Variants in PCDHGB4 observed in about 807,000 individuals in gnomAD.
PCDHGB4 encodes the protein protocadherin gamma-B4.
A neutral mutation model predicts 60.5 loss-of-function variants in PCDHGB4; 38 were observed. That is an observed-to-expected ratio of 0.63 (90% CI 0.48 to 0.82). PCDHGB4 has a LOEUF of 0.82. PCDHGB4 is among the 40% of genes least tolerant of loss of function. The probability of loss-of-function intolerance (pLI) is 0.00; values close to 1 mark genes in which losing one functional copy is unlikely to be tolerated. For missense variants in PCDHGB4, 1,109 were observed against 1,209.6 expected (o/e 0.92, Z 1.23); for synonymous variants, 456 against 509.7 (o/e 0.89, Z 1.42).
At chr5:141,475,103 G>A (rs771784343) in intron 1 of PCDHGB4, among the ~76,000 whole-genome samples, 1 of 152,176 alleles carries the variant, frequency 6.6e-6, no homozygotes, top group Non-Finnish European at 1.5e-5. Flanking sequence ...AAGATCCTAG[G>A]TGGTAAATAG....
intron 1 of PCDHGB4, chr5:141,430,853 C>A: frequency 6.3e-7 from 1 of 1,587,214 alleles, no homozygotes; most frequent in Non-Finnish European, 8.6e-7. Flanking sequence ...CACCCAGATA[C>A]GCTATTCAGT....
intron 1 of PCDHGB4, chr5:141,400,218 G>C (rs2093982352): frequency 6.2e-7 from 1 of 1,613,932 alleles, no homozygotes; most frequent in Admixed American, 1.7e-5. Context: ...TGATCTCAGT[G>C]CTCTTCCTCC....
At chr5:141,430,888 T>C (rs1447560622) in intron 1 of PCDHGB4, 5 of 1,605,402 alleles carry the variant, frequency 3.1e-6, no homozygotes, top group Admixed American at 1.7e-5. Context: ...AGAAAGGCTC[T>C]AGGGTGGGCG....
intron 1 of PCDHGB4, chr5:141,426,585 T>C (rs2096944493): frequency 2.8e-6 from 1 of 358,848 alleles, no homozygotes; most frequent in African/African-American, 2.1e-5. Flanking sequence ...CAAAATCCTC[T>C]GTGTCATACC....
At chr5:141,394,435 C>G (rs1473725556) in intron 1 of PCDHGB4, 1 of 1,614,246 alleles carries the variant, frequency 6.2e-7, no homozygotes, top group Non-Finnish European at 8.5e-7. Flanking sequence ...GGGGACCCGC[C>G]CCTCAGCAGC....
intron 1 of PCDHGB4, among the ~76,000 whole-genome samples, chr5:141,446,698 G>A (rs750413432): frequency 2.0e-5 from 3 of 152,186 alleles, no homozygotes; most frequent in Admixed American, 6.5e-5. Flanking sequence ...GGCTGGTCTC[G>A]AACTCTGATC....
Position 141,490,479 on chromosome 5 carries a change from C to A in PCDHGB4, c.2398-4328C>A. 6.2e-7 allele frequency: 1 copy of A among 1,614,216 alleles called. No homozygotes were observed. Among genetic ancestry groups the A allele is most frequent in the South Asian group, 1.1e-5 (1 of 91,086 alleles). On this transcript the variant is annotated intron_variant, in intron 1 of 3. Transcript: ENST00000519479. The surrounding 1 kb of genome is among the most constrained non-coding windows in gnomAD (Gnocchi z 5.4). ...CGCTGCTAACCAGCCAGCCTTTGGA[C>A]CGGGAGGCCACATCCCACTATATCA...
At chr5:141,496,733 C>T (rs1221912777) in intron 2 of PCDHGB4, among the ~76,000 whole-genome samples, 12 of 152,138 alleles carry the variant, frequency 7.9e-5, no homozygotes, top group African/African-American at 9.7e-5. Context: ...TGTATTCATT[C>T]GTTCATTTAT....
At position 141,512,348 on chromosome 5, in the gene PCDHGB4, G is replaced by C. The variant is rs1172891268; in HGVS notation, c.*1175G>C. 4 of 152,886 alleles carry C rather than the reference G, an allele frequency of 2.6e-5. No homozygotes were observed. The highest frequency in any genetic ancestry group is 9.6e-5 in the African/African-American group (4 of 41,462). The allele number at this position is 152,886 out of a possible 1,614,324, so 9.5% of individuals were successfully genotyped here. A position where few individuals can be genotyped will look rare whatever the true frequency, so the allele number is the denominator to read the frequency against. ...GGCCATTCTTAGTCCCTGGGTTGGG[G>C]AGGCAGGGAGCTAGGGCAGGGACCA... On this transcript the variant is annotated 3_prime_UTR_variant, in exon 4 of 4. Transcript: ENST00000519479.
At chr5:141,414,151 G>T in intron 1 of PCDHGB4, 2 of 1,600,336 alleles carry the variant, frequency 1.2e-6, no homozygotes, top group East Asian at 2.3e-5. Flanking sequence ...AATACAAGCA[G>T]AAGATGGAGG....
chr5:141,405,407 CTTTT>C (rs762612492), intron 1 of PCDHGB4: 1 of 1,581,924 alleles, frequency 6.3e-7, no homozygotes, highest in Non-Finnish European at 8.6e-7. Flanking sequence ...TCTTTCTTTT[CTTTT>C]TTTGTTTTTT....
At chr5:141,419,182 C>T in intron 1 of PCDHGB4, 2 of 1,613,986 alleles carry the variant, frequency 1.2e-6, no homozygotes, top group Non-Finnish European at 1.7e-6. Context: ...TAACCCTGCA[C>T]ATTACTGACG....
chr5:141,444,467 G>C (rs1288596542), intron 1 of PCDHGB4, among the ~76,000 whole-genome samples: 2 of 151,998 alleles, frequency 1.3e-5, no homozygotes, highest in Admixed American at 6.6e-5. Flanking sequence ...CACTGCGCCC[G>C]GTCGCGTACT....
chr5:141,472,838 T>C (rs1457889821), intron 1 of PCDHGB4, among the ~76,000 whole-genome samples: 1 of 151,464 alleles, frequency 6.6e-6, no homozygotes, highest in Non-Finnish European at 1.5e-5. Context: ...AATAGAAAAT[T>C]AGCTGGGCAT....
At chr5:141,458,264 G>A (rs1489144612) in intron 1 of PCDHGB4, among the ~76,000 whole-genome samples, 3 of 152,092 alleles carry the variant, frequency 2.0e-5, no homozygotes, top group Non-Finnish European at 2.9e-5. Flanking sequence ...GATGAGTGGA[G>A]GAACAACAGG....
chr5:141,394,644 G>A, intron 1 of PCDHGB4: 2 of 1,613,358 alleles, frequency 1.2e-6, no homozygotes, highest in Non-Finnish European at 1.7e-6. Flanking sequence ...CCTGCTCAAG[G>A]CCAGCGAGCC....
chr5:141,473,116 G>A (rs966472502), intron 1 of PCDHGB4, among the ~76,000 whole-genome samples: 19 of 152,114 alleles, frequency 1.2e-4, no homozygotes, highest in African/African-American at 4.6e-4. Context: ...ACTTTACTTG[G>A]CTCTTTGGCA....
intron 1 of PCDHGB4, among the ~76,000 whole-genome samples, chr5:141,401,168 C>T (rs2094123018): frequency 1.3e-5 from 2 of 152,142 alleles, no homozygotes; most frequent in Non-Finnish European, 2.9e-5. Flanking sequence ...ATGGTGAAAA[C>T]CCGTCTCTAC....
intron 2 of PCDHGB4, among the ~76,000 whole-genome samples, chr5:141,498,277 G>T (rs1216561939): frequency 6.6e-6 from 1 of 151,924 alleles, no homozygotes; most frequent in African/African-American, 2.4e-5. Flanking sequence ...CAGTAAACTT[G>T]GTTCAAGATC....
Sources: gnomAD v4.1 joint callset for allele counts (sites outside exome capture counted in the v4.1 genomes callset) on GRCh38, gnomAD v4.1.1 for gene constraint, Gnocchi (gnomAD v3.1) non-coding constraint, MANE v1.5 for transcripts, NCBI Gene and HGNC (gene_info 2026-07-23, HGNC 2026-07-21) for gene names.